EYS: variants seen among roughly 807,000 people sequenced by gnomAD.
EYS encodes the protein protein eyes shut homolog.
Under a neutral mutation model 282.1 loss-of-function variants are expected in EYS, and 250 were observed. The observed-to-expected ratio is 0.89, with a 90% CI of 0.80 to 0.98. EYS has a LOEUF of 0.98. Among genes scored for constraint, EYS ranks in the 50% least tolerant of loss-of-function variants. The pLI, the probability that EYS is intolerant of heterozygous loss-of-function variation, is 0.00. For missense variants in EYS, 4,016 were observed against 3,709.0 expected (o/e 1.08, Z -2.15); for synonymous variants, 1,355 against 1,282.9 (o/e 1.06, Z -1.20).
At chr6:65,400,009 GTTAATC>G (rs1230448494) in intron 7 of EYS, among the ~76,000 whole-genome samples, 1 of 152,002 alleles carries the variant, frequency 6.6e-6, no homozygotes, top group Non-Finnish European at 1.5e-5. Context: ...GAGTTTCAGT[GTTAATC>G]TTAAGTGCAG....
At chr6:63,888,541 A>G (rs1773325439) in intron 35 of EYS, among the ~76,000 whole-genome samples, 1 of 152,244 alleles carries the variant, frequency 6.6e-6, no homozygotes, top group Non-Finnish European at 1.5e-5. Context: ...GACCTGCTGA[A>G]GAGAGGTCAG....
rs185278934 is a variant in EYS at position 65,003,916 on chromosome 6, T to A, written c.2138-6213A>T. Among the ~76,000 whole-genome samples, 144 of 147,538 alleles carry A rather than the reference T, an allele frequency of 9.8e-4. 1 individual carries two copies. The highest frequency in any genetic ancestry group is 3.4e-3 in the African/African-American group (141 of 41,252). On this transcript the variant is annotated intron_variant, in intron 13 of 42. Transcript: ENST00000503581. ...CATTCTGTATATAATGTCATTTCGT[T>A]TTCTGTGTCTCAACAAAATTACCCA...
intron 2 of EYS, among the ~76,000 whole-genome samples, chr6:65,590,011 G>A (rs1228822086): frequency 6.6e-6 from 1 of 151,898 alleles, no homozygotes; most frequent in Non-Finnish European, 1.5e-5. Flanking sequence ...AAATGAACGC[G>A]TTGGACATTT....
At chr6:63,907,478 TCTC>T (rs1324272144) in intron 35 of EYS, among the ~76,000 whole-genome samples, 3 of 152,226 alleles carry the variant, frequency 2.0e-5, no homozygotes, top group Non-Finnish European at 4.4e-5. Flanking sequence ...ACCCTCAAGA[TCTC>T]CTAAGCCAGT....
At chr6:64,443,775 G>C (rs182242470) in intron 26 of EYS, among the ~76,000 whole-genome samples, 1 of 151,934 alleles carries the variant, frequency 6.6e-6, no homozygotes, top group Non-Finnish European at 1.5e-5. Context: ...CTTGCTCCTT[G>C]TCTTTGGCCA....
chr6:64,207,318 C>T lies in EYS; in HGVS notation c.6424+23274G>A, dbSNP rs540793039. Among the ~76,000 whole-genome samples, 5 of 152,068 alleles carry T rather than the reference C, an allele frequency of 3.3e-5. No homozygotes were observed. The East Asian group carries it at 9.7e-4, about 30-fold the overall frequency. On this transcript the variant is annotated intron_variant, in intron 31 of 42. Transcript: ENST00000503581. ...CATGGGATAACGTAACACAAAGGCC[C>T]TCAACAGACATGGTCCCTCAATCTT...
At chr6:64,733,912 A>G (rs1772069015) in intron 22 of EYS, 1 of 156,766 alleles carries the variant, frequency 6.4e-6, no homozygotes, top group Non-Finnish European at 1.4e-5. Context: ...ACTGTAGATG[A>G]CCAGTCCCAT....
At chr6:64,120,013 T>C (rs1773522517) in intron 31 of EYS, among the ~76,000 whole-genome samples, 1 of 151,984 alleles carries the variant, frequency 6.6e-6, no homozygotes, top group Non-Finnish European at 1.5e-5. Context: ...CCTAAACAAA[T>C]TTACCATATT....
At chr6:64,584,690 A>G (rs536164921) in intron 26 of EYS, among the ~76,000 whole-genome samples, 1 of 152,084 alleles carries the variant, frequency 6.6e-6, no homozygotes, top group Admixed American at 6.6e-5. Flanking sequence ...TTTATTTGCA[A>G]ATTGTTTTAC....
chr6:64,982,436 A>G (rs573254931), intron 14 of EYS, among the ~76,000 whole-genome samples: 1 of 151,464 alleles, frequency 6.6e-6, no homozygotes, highest in East Asian at 2.0e-4. Flanking sequence ...TTTTATGTGT[A>G]TGTTTATAAT....
chr6:63,957,781 C>G (rs1562116663), intron 35 of EYS, among the ~76,000 whole-genome samples: 1 of 140,502 alleles, frequency 7.1e-6, no homozygotes, highest in African/African-American at 2.4e-5. Flanking sequence ...CCTGAGCTAT[C>G]AACAAAATAA....
chr6:64,188,431 T>A (rs1319661980), intron 31 of EYS, among the ~76,000 whole-genome samples: 1 of 152,180 alleles, frequency 6.6e-6, no homozygotes, highest in Non-Finnish European at 1.5e-5. Flanking sequence ...TTTCAGATAA[T>A]TTTTTAACAT....
chr6:64,592,113 G>A, intron 25 of EYS, 124 bp from the exon 26 acceptor site: 2 of 563,658 alleles, frequency 3.5e-6, no homozygotes, highest in South Asian at 3.7e-5. Context: ...AGACAAATAT[G>A]GTTCTGTAAA....
chr6:64,203,334 CTGTT>C (rs1316275225), intron 31 of EYS, among the ~76,000 whole-genome samples: 6 of 152,250 alleles, frequency 3.9e-5, no homozygotes, highest in Admixed American at 3.3e-4. Flanking sequence ...GTGATGCCCT[CTGTT>C]TGGTGGTGGG....
chr6:65,442,518 G>A (rs1339396003), intron 5 of EYS, among the ~76,000 whole-genome samples: 1 of 151,912 alleles, frequency 6.6e-6, no homozygotes, highest in Non-Finnish European at 1.5e-5. Flanking sequence ...ACTTTGGGAG[G>A]TCAGGGGGGC....
chr6:63,819,977 A>G (rs1771279288), intron 36 of EYS, among the ~76,000 whole-genome samples: 1 of 152,138 alleles, frequency 6.6e-6, no homozygotes, highest in Non-Finnish European at 1.5e-5. Context: ...CAACAGTGAC[A>G]CTTCTGAAGT....
intron 19 of EYS, among the ~76,000 whole-genome samples, chr6:64,864,385 C>CTTT (rs769240399): frequency 0.038 from 2,184 of 57,100 alleles, 388 homozygotes; most frequent in African/African-American, 0.1. Context: ...GCTATACCTT[C>CTTT]TTTTTTTTTT....
intron 34 of EYS, among the ~76,000 whole-genome samples, chr6:63,997,884 G>A (rs1767905864): frequency 6.6e-6 from 1 of 152,062 alleles, no homozygotes; most frequent in Non-Finnish European, 1.5e-5. Flanking sequence ...GCAACTATAA[G>A]GAGTTAATAA....
intron 12 of EYS, among the ~76,000 whole-genome samples, chr6:65,232,167 G>T (rs1766799276): frequency 6.6e-6 from 1 of 151,968 alleles, no homozygotes. Flanking sequence ...AGTCCAAGTT[G>T]CATATGTCTA....
Sources: gnomAD v4.1 joint callset for allele counts (sites outside exome capture counted in the v4.1 genomes callset) on GRCh38, gnomAD v4.1.1 for gene constraint, MANE v1.5 for transcripts, NCBI Gene and HGNC (gene_info 2026-07-23, HGNC 2026-07-21) for gene names.